The following KLF12 variants were observed in gnomAD, a reference collection of about 807,000 sequenced individuals.
KLF12 encodes the protein KLF transcription factor 12, also known as Krueppel-like factor 12.
A neutral mutation model predicts 37.8 loss-of-function variants in KLF12; 9 were observed. The ratio of observed to expected loss-of-function variants is 0.24; its 90% CI spans 0.14 to 0.42. KLF12 has a LOEUF of 0.42. Among genes scored for constraint, KLF12 ranks in the 10% least tolerant of loss-of-function variants. KLF12 has a pLI of 1.00. For synonymous variants in KLF12, 208 were observed against 202.1 expected (o/e 1.03, Z -0.25); for missense variants, 411 against 516.0 (o/e 0.80, Z 1.97).
intron 3 of KLF12, among the ~76,000 whole-genome samples, chr13:73,919,527 A>G (rs201885003): frequency 6.6e-6 from 1 of 152,078 alleles, no homozygotes; most frequent in South Asian, 2.1e-4. Flanking sequence ...AATTTTTTTT[A>G]AAAAAAGGTC....
intron 1 of KLF12, among the ~76,000 whole-genome samples, chr13:74,001,272 T>C (rs1320236068): frequency 6.6e-6 from 1 of 152,200 alleles, no homozygotes; most frequent in Non-Finnish European, 1.5e-5. Context: ...AGGGTGCCCA[T>C]TTACCCAGTA....
At chr13:73,917,947 T>C (rs970886478) in intron 3 of KLF12, among the ~76,000 whole-genome samples, 1 of 151,940 alleles carries the variant, frequency 6.6e-6, no homozygotes, top group Non-Finnish European at 1.5e-5. Context: ...AAAAAAAAAT[T>C]CCTGACCTTT....
intron 3 of KLF12, among the ~76,000 whole-genome samples, chr13:73,906,005 C>G (rs1888270398): frequency 6.6e-6 from 1 of 152,090 alleles, no homozygotes; most frequent in Non-Finnish European, 1.5e-5. Context: ...TTTGATTACA[C>G]TGGAGTTTGG....
intron 1 of KLF12, among the ~76,000 whole-genome samples, chr13:74,114,780 A>C (rs796097824): frequency 1.4e-4 from 21 of 152,316 alleles, no homozygotes; most frequent in African/African-American, 4.8e-4. Context: ...AAGGAGCATA[A>C]CGTGCTATTT....
the KLF12 span, among the ~76,000 whole-genome samples, chr13:74,260,897 T>C: frequency 2.0e-5 from 3 of 151,982 alleles, no homozygotes; most frequent in African/African-American, 7.2e-5. Flanking sequence ...AAGAAAAATG[T>C]AGGTGAGAAA....
chr13:74,001,849 T>C (rs1039034697), intron 1 of KLF12, among the ~76,000 whole-genome samples: 1 of 152,242 alleles, frequency 6.6e-6, no homozygotes, highest in African/African-American at 2.4e-5. Context: ...ATGGTTGACA[T>C]TTAAATGAAA....
intron 1 of KLF12, among the ~76,000 whole-genome samples, chr13:74,060,361 T>G (rs1427076877): frequency 6.6e-6 from 1 of 152,216 alleles, no homozygotes; most frequent in East Asian, 1.9e-4. Context: ...TTGGTCATAC[T>G]AACAATATTG....
chr13:73,916,053 A>C (rs934648347), intron 3 of KLF12, among the ~76,000 whole-genome samples: 1 of 152,068 alleles, frequency 6.6e-6, no homozygotes, highest in African/African-American at 2.4e-5. Context: ...TCATGCCAAA[A>C]ACATGGAGTT....
chr13:74,190,939 T>C, the KLF12 span, among the ~76,000 whole-genome samples: 29 of 152,274 alleles, frequency 1.9e-4, no homozygotes, highest in South Asian at 1.2e-3. Flanking sequence ...TTTCCACTTA[T>C]GTTTGGATTC....
the KLF12 span, among the ~76,000 whole-genome samples, chr13:74,264,045 G>A: frequency 3.3e-5 from 5 of 152,134 alleles, no homozygotes; most frequent in African/African-American, 1.2e-4. Flanking sequence ...GCATAACTGG[G>A]GTTAAAAGCA....
chr13:74,258,106 G>T, the KLF12 span: 7 of 150,608 alleles, frequency 4.6e-5, no homozygotes, highest in Non-Finnish European at 7.4e-5. Context: ...CTGCTCTTTT[G>T]TTAACACTAA....
the KLF12 span, among the ~76,000 whole-genome samples, chr13:74,288,871 C>T: frequency 2.2e-3 from 330 of 152,274 alleles, 1 homozygote; most frequent in African/African-American, 7.3e-3. Context: ...TCTCCCCAGT[C>T]AGCACCTGCT....
At chr13:74,005,675 C>T (rs1329460848) in intron 1 of KLF12, among the ~76,000 whole-genome samples, 2 of 152,190 alleles carry the variant, frequency 1.3e-5, no homozygotes, top group Non-Finnish European at 2.9e-5. Context: ...TCAACTTTAA[C>T]ATGAAAAGCG....
At chr13:73,705,146 C>G (rs1421597863) in intron 7 of KLF12, among the ~76,000 whole-genome samples, 1 of 152,190 alleles carries the variant, frequency 6.6e-6, no homozygotes, top group African/African-American at 2.4e-5. Context: ...TAACGTGTGA[C>G]TGAGCCTTGT....
chr13:73,782,194 C>T (rs1881008329), intron 5 of KLF12, among the ~76,000 whole-genome samples: 1 of 152,182 alleles, frequency 6.6e-6, no homozygotes, highest in Non-Finnish European at 1.5e-5. Flanking sequence ...GAAATCTAAT[C>T]TTCTATGCCT....
chr13:74,167,235 G>C, the KLF12 span, among the ~76,000 whole-genome samples: 1 of 152,196 alleles, frequency 6.6e-6, no homozygotes, highest in Non-Finnish European at 1.5e-5. Flanking sequence ...AATTTAACTA[G>C]CTTCCATGTG....
At chr13:73,908,827 A>C (rs1357655672) in intron 3 of KLF12, among the ~76,000 whole-genome samples, 1 of 152,048 alleles carries the variant, frequency 6.6e-6, no homozygotes, top group African/African-American at 2.4e-5. Context: ...TTAGTTGTTG[A>C]TCTCTATGCT....
chr13:73,785,424 T>G (rs1386569706), intron 5 of KLF12, among the ~76,000 whole-genome samples: 1 of 152,154 alleles, frequency 6.6e-6, no homozygotes, highest in Non-Finnish European at 1.5e-5. Context: ...CATTTTATTT[T>G]CTAATGAAAT....
the KLF12 span, among the ~76,000 whole-genome samples, chr13:74,166,283 G>A: frequency 3.3e-5 from 5 of 151,764 alleles, no homozygotes; most frequent in Non-Finnish European, 5.9e-5. Context: ...GCACAGACAG[G>A]GTTTTGCCAT....
Sources: gnomAD v4.1 joint callset for allele counts (sites outside exome capture counted in the v4.1 genomes callset) on GRCh38, gnomAD v4.1.1 for gene constraint, MANE v1.5 for transcripts, NCBI Gene and HGNC (gene_info 2026-07-23, HGNC 2026-07-21) for gene names.